Variants in UNC13B observed in about 807,000 individuals in gnomAD.
UNC13B encodes the protein protein unc-13 homolog B.
A neutral mutation model predicts 211.0 loss-of-function variants in UNC13B; 144 were observed. That is an observed-to-expected ratio of 0.68 (90% CI 0.60 to 0.78). The LOEUF (loss-of-function observed/expected upper bound fraction) is 0.78, where lower values mean the gene tolerates loss of function less well. Ranked by LOEUF, UNC13B falls within the 30% of genes least tolerant of loss-of-function variation. UNC13B has a pLI of 0.00. For missense variants in UNC13B, 1,777 were observed against 2,002.0 expected (o/e 0.89, Z 2.14); for synonymous variants, 709 against 725.8 (o/e 0.98, Z 0.37).
chr9:35,275,668 C>T (rs1828135851), intron 7 of UNC13B, among the ~76,000 whole-genome samples: 1 of 151,660 alleles, frequency 6.6e-6, no homozygotes, highest in Admixed American at 6.6e-5. Flanking sequence ...TCTCGGCTCA[C>T]TGTGACCTCC....
At position 35,381,551 on chromosome 9, in the gene UNC13B, T is replaced by C. The variant is rs1834838209; in HGVS notation, c.10492-5T>C. ...CATTCCCTTTCTCTGCTCTGTCTCC[T>C]GCAGAATCTTTTCCATTACCTCACA... On this transcript the variant is annotated splice_polypyrimidine_tract_variant and splice_region_variant and intron_variant, in intron 19 of 39. Transcript: ENST00000635942. 3.7e-6 allele frequency: 6 copies of C among 1,612,610 alleles called. No individual in the cohort carries two copies. The East Asian group carries it at 1.3e-4, about 36-fold the overall frequency.
In UNC13B at chr9:35,304,709, G is replaced by A; in HGVS notation, c.5305G>A (p.Asp1769Asn). Residue 1769 changes from aspartate to asparagine, a missense_variant, in exon 9 of 40, where the codon GAT becomes AAT. Transcript: ENST00000635942. ...GASVGSTLKFDKSESLEALAM... is the reference protein window; with the variant it reads ...GASVGSTLKFNKSESLEALAM... ...CTCAGTTGGTAGTACTTTGAAGTTT[G>A]ATAAGAGTGAATCCTTAGAGGCTTT... 2.5e-6 allele frequency: 1 copy of A among 398,864 alleles called. No homozygotes were observed. Among genetic ancestry groups the A allele is most frequent in the Non-Finnish European group, 4.4e-6 (1 of 225,958 alleles). 24.7% of individuals were successfully genotyped at this position (398,864 alleles called of 1,614,324 possible).
At chr9:35,395,168 C>T (rs889753541) in intron 26 of UNC13B, among the ~76,000 whole-genome samples, 8 of 152,032 alleles carry the variant, frequency 5.3e-5, no homozygotes, top group Non-Finnish European at 1.2e-4. Flanking sequence ...CTTTGTTGCT[C>T]ATTGGTGTCT....
At chr9:35,375,067 C>A in intron 13 of UNC13B, 60 bp from the exon 14 acceptor site, 8 of 1,585,590 alleles carry the variant, frequency 5.0e-6, no homozygotes, top group Non-Finnish European at 6.9e-6. Flanking sequence ...GAAGCTCCCT[C>A]CCCCAGACTT....
chr9:35,268,220 G>A (rs1827682008), intron 7 of UNC13B, among the ~76,000 whole-genome samples: 4 of 152,140 alleles, frequency 2.6e-5, no homozygotes, highest in South Asian at 2.1e-4. Flanking sequence ...AGAGGGGAAG[G>A]AGTGACCTCT....
intron 26 of UNC13B, among the ~76,000 whole-genome samples, chr9:35,395,783 G>A (rs926960567): frequency 6.6e-6 from 1 of 152,194 alleles, no homozygotes; most frequent in Non-Finnish European, 1.5e-5. Context: ...CAAATTCGTA[G>A]TAAGTGCCCC....
intron 2 of UNC13B, among the ~76,000 whole-genome samples, chr9:35,228,607 G>A (rs1825003037): frequency 6.6e-6 from 1 of 151,696 alleles, no homozygotes; most frequent in Non-Finnish European, 1.5e-5. Context: ...TATCTATTGG[G>A]TCATATATAA....
intron 22 of UNC13B, chr9:35,384,768 G>C (rs1185287870): frequency 1.0e-6 from 1 of 969,694 alleles, no homozygotes; most frequent in East Asian, 1.1e-4. Flanking sequence ...CAGAGAGCAT[G>C]TCCATTCCTA....
intron 11 of UNC13B, chr9:35,352,825 C>G: frequency 4.1e-6 from 5 of 1,232,194 alleles, no homozygotes; most frequent in Non-Finnish European, 5.1e-6. Context: ...TAGTATTAAT[C>G]TCAAAAGAGG....
At chr9:35,324,799 TA>T (rs1403744335) in intron 11 of UNC13B, among the ~76,000 whole-genome samples, 2 of 152,216 alleles carry the variant, frequency 1.3e-5, no homozygotes, top group African/African-American at 2.4e-5. Context: ...CATATAAATC[TA>T]TACATTTTTC....
chr9:35,400,438 C>T lies in UNC13B; in HGVS notation c.12479C>T (p.Thr4160Ile). ...LIKTFVRSQT[T>I]QGSGVDDPVG... ...AAGACCTTTGTGCGCTCGCAGACCA[C>T]CCAAGGTAAGGCCCTGAGGGCTTTG... Residue 4160 changes from threonine to isoleucine, a missense_variant, in exon 37 of 40, where the codon ACC (threonine) becomes ATC (isoleucine). Physicochemically the swap from Thr to Ile is moderately conservative, Grantham distance 89. Transcript: ENST00000635942. 6.2e-7 allele frequency: 1 copy of T among 1,613,040 alleles called. No homozygotes were observed.
chr9:35,369,033 C>T (rs937470696), intron 12 of UNC13B, among the ~76,000 whole-genome samples: 8 of 152,098 alleles, frequency 5.3e-5, no homozygotes, highest in Admixed American at 3.3e-4. Flanking sequence ...TTTCTTTCAC[C>T]TTCGTCCTTA....
intron 1 of UNC13B, among the ~76,000 whole-genome samples, chr9:35,178,472 G>A (rs769236525): frequency 5.3e-5 from 8 of 151,676 alleles, no homozygotes; most frequent in Non-Finnish European, 1.2e-4. Flanking sequence ...CTCCAGTCTG[G>A]AGGACAGAGT....
intron 7 of UNC13B, among the ~76,000 whole-genome samples, chr9:35,291,454 G>T (rs1432332465): frequency 1.3e-5 from 2 of 152,210 alleles, no homozygotes; most frequent in African/African-American, 4.8e-5. Context: ...ACCAGAAGGA[G>T]AAGGTTCATT....
chr9:35,297,592 C>G (rs1169132893), intron 8 of UNC13B, among the ~76,000 whole-genome samples: 1 of 122,948 alleles, frequency 8.1e-6, no homozygotes, highest in Non-Finnish European at 1.7e-5. Context: ...CTCTTTCGCC[C>G]AGGCCGGACT....
In UNC13B at chr9:35,310,771, C is replaced by A. The variant is rs760690824; in HGVS notation, c.9313C>A (p.Pro3105Thr). The A allele has an allele frequency of 4.7e-5, 75 of 1,612,792 alleles. No individual in the cohort carries two copies. Among genetic ancestry groups the A allele is most frequent in the Non-Finnish European group, 6.1e-5 (72 of 1,179,464 alleles). Residue 3105 changes from proline (P) to threonine (T), a missense_variant, in exon 10 of 40, where the codon CCC becomes ACC. Coordinates refer to ENST00000635942, the MANE Select transcript of UNC13B (RefSeq NM_001371189.2). ...GCTGCAAAAAGACCACTTCCTAGGT[C>A]CCCAGGAGAGGTAGGCAACAGCTGC... ...LVLQKDHFLG[P>T]QESFPEENAS...
intron 37 of UNC13B, among the ~76,000 whole-genome samples, chr9:35,402,935 T>A (rs1411937116): frequency 6.6e-6 from 1 of 151,816 alleles, no homozygotes; most frequent in African/African-American, 2.4e-5. Flanking sequence ...TGAGAGAGAG[T>A]CTTAGTGCAC....
At chr9:35,322,499 A>G (rs1185044203) in intron 11 of UNC13B, among the ~76,000 whole-genome samples, 1 of 152,116 alleles carries the variant, frequency 6.6e-6, no homozygotes, top group East Asian at 1.9e-4. Context: ...ATAGATGAGA[A>G]GGCCTGGGTT....
chr9:35,364,690 G>A (rs1833663791), intron 11 of UNC13B: 2 of 1,154,174 alleles, frequency 1.7e-6, no homozygotes, highest in South Asian at 3.4e-5. Flanking sequence ...TGCATGATCT[G>A]TGCCTCTGAG....
Sources: gnomAD v4.1 joint callset for allele counts (sites outside exome capture counted in the v4.1 genomes callset) on GRCh38, gnomAD v4.1.1 for gene constraint, MANE v1.5 for transcripts, NCBI Gene and HGNC (gene_info 2026-07-23, HGNC 2026-07-21) for gene names.